HECW2: variants seen among roughly 807,000 people sequenced by gnomAD.
The protein encoded by HECW2 is HECT, C2 and WW domain containing E3 ubiquitin protein ligase 2.
In HECW2, 61 loss-of-function variants were observed where a neutral mutation model predicts 175.2. That is an observed-to-expected ratio of 0.35 (90% CI 0.28 to 0.43). The LOEUF is 0.43. Ranked by LOEUF, HECW2 falls within the 20% of genes least tolerant of loss-of-function variation. The pLI is 1.00. For missense variants in HECW2, 1,524 were observed against 2,000.5 expected, an observed-to-expected ratio of 0.76 and a Z score of 4.54; for synonymous variants, 671 against 731.0, an observed-to-expected ratio of 0.92 and a Z score of 1.32.
intron 1 of HECW2, among the ~76,000 whole-genome samples, chr2:196,492,866 A>AT (rs1342960367): frequency 1.3e-5 from 2 of 151,990 alleles, no homozygotes; most frequent in South Asian, 2.1e-4. Flanking sequence ...CAACAGACTC[A>AT]TTTTTTTTGA....
chr2:196,569,484 T>C (rs958434727), intron 1 of HECW2, among the ~76,000 whole-genome samples: 1 of 152,256 alleles, frequency 6.6e-6, no homozygotes, highest in African/African-American at 2.4e-5. Context: ...TACTTTTTTA[T>C]GCTTCTCTAT....
intron 1 of HECW2, among the ~76,000 whole-genome samples, chr2:196,476,174 T>G (rs1686605130): frequency 6.6e-6 from 1 of 151,112 alleles, no homozygotes; most frequent in South Asian, 2.1e-4. Context: ...CTGGGAGCAG[T>G]GGCTCATGCC....
intron 1 of HECW2, among the ~76,000 whole-genome samples, chr2:196,571,762 C>G (rs1249445449): frequency 6.6e-6 from 1 of 151,796 alleles, no homozygotes; most frequent in African/African-American, 2.4e-5. Flanking sequence ...TGCTTCCATA[C>G]AAAGCAAAAA....
At chr2:196,412,564 G>A (rs1355261981) in intron 2 of HECW2, among the ~76,000 whole-genome samples, 3 of 152,200 alleles carry the variant, frequency 2.0e-5, no homozygotes, top group Admixed American at 6.5e-5. Flanking sequence ...GACACATTCA[G>A]AACACCCTTT....
intron 28 of HECW2, among the ~76,000 whole-genome samples, chr2:196,211,803 C>A (rs903387241): frequency 6.6e-6 from 1 of 152,152 alleles, no homozygotes; most frequent in African/African-American, 2.4e-5. Flanking sequence ...GGCAGAAACT[C>A]CCATGCCCGA....
At chr2:196,294,788 G>A (rs757328008) in intron 13 of HECW2, among the ~76,000 whole-genome samples, 2 of 152,134 alleles carry the variant, frequency 1.3e-5, no homozygotes, top group Non-Finnish European at 2.9e-5. Flanking sequence ...CACAGCAAGT[G>A]GCAATGTTTG....
At chr2:196,498,088 C>T (rs888420357) in intron 1 of HECW2, among the ~76,000 whole-genome samples, 1 of 152,126 alleles carries the variant, frequency 6.6e-6, no homozygotes, top group Non-Finnish European at 1.5e-5. Flanking sequence ...TTTCAGTGAA[C>T]TTTCAAAGGG....
At chr2:196,278,278 CCT>C (rs1055541475) in intron 15 of HECW2, among the ~76,000 whole-genome samples, 2 of 148,736 alleles carry the variant, frequency 1.3e-5, no homozygotes, top group African/African-American at 4.9e-5. Flanking sequence ...CTCTCACCTT[CCT>C]CTGAGTCAAA....
intron 2 of HECW2, among the ~76,000 whole-genome samples, chr2:196,388,128 TA>T (rs944088180): frequency 1.4e-5 from 2 of 145,252 alleles, no homozygotes; most frequent in African/African-American, 2.5e-5. Context: ...TCATCTCTAC[TA>T]AAAAAAAAAA....
At chr2:196,202,791 T>C (rs1046313148) in intron 28 of HECW2, among the ~76,000 whole-genome samples, 3 of 152,212 alleles carry the variant, frequency 2.0e-5, no homozygotes, top group Non-Finnish European at 4.4e-5. Context: ...AGATAGAGTA[T>C]TCCTTATCCA....
intron 1 of HECW2, among the ~76,000 whole-genome samples, chr2:196,552,442 T>C (rs1689631310): frequency 6.6e-6 from 1 of 152,216 alleles, no homozygotes; most frequent in Non-Finnish European, 1.5e-5. Flanking sequence ...ACACAGCCTT[T>C]ATCTGTCTCA....
At chr2:196,421,037 T>C (rs1695394273) in intron 2 of HECW2, among the ~76,000 whole-genome samples, 1 of 151,998 alleles carries the variant, frequency 6.6e-6, no homozygotes, top group Non-Finnish European at 1.5e-5. Context: ...ATGTCAAAAA[T>C]TGAAAGGATA....
intron 10 of HECW2, among the ~76,000 whole-genome samples, chr2:196,313,962 G>A (rs1428754213): frequency 2.6e-5 from 4 of 152,148 alleles, no homozygotes; most frequent in East Asian, 3.8e-4. Context: ...TCAGGAGGCC[G>A]AGGCAGGAGC....
intron 28 of HECW2, among the ~76,000 whole-genome samples, chr2:196,201,721 G>A (rs1170714854): frequency 6.6e-6 from 1 of 151,918 alleles, no homozygotes. Flanking sequence ...CTCTTTTGAT[G>A]CTAGATTTTT....
chr2:196,207,683 G>A (rs1184175205), intron 28 of HECW2, among the ~76,000 whole-genome samples: 2 of 152,332 alleles, frequency 1.3e-5, no homozygotes, highest in African/African-American at 4.8e-5. Flanking sequence ...CTCTCCCTGT[G>A]TTTTAAGGTC....
At chr2:196,505,572 A>T (rs1390761567) in intron 1 of HECW2, among the ~76,000 whole-genome samples, 1 of 152,138 alleles carries the variant, frequency 6.6e-6, no homozygotes, top group Non-Finnish European at 1.5e-5. Context: ...CAAAGAAACT[A>T]GACTTGATTA....
At position 196,319,307 on chromosome 2, in the gene HECW2, T is replaced by C. The variant is rs1173609469; in HGVS notation, c.1583A>G (p.Asp528Gly). The C allele has an allele frequency of 6.2e-7, 1 of 1,613,486 alleles. No homozygotes were observed. Among genetic ancestry groups the C allele is most frequent in the African/African-American group, 1.3e-5 (1 of 75,020 alleles). ...ASTHEAASFEDKPENLPELAE... is the reference protein window; with the variant it reads ...ASTHEAASFEGKPENLPELAE... ...AAGCTCTGGAAGATTTTCTGGCTTA[T>C]CCTCAAAGGAAGCAGCTTCGTGTGT... Residue 528 changes from aspartate (D) to glycine (G), a missense_variant, in exon 9 of 29, where the codon GAT becomes GGT. Asp to Gly is a moderately conservative substitution (Grantham distance 94). Transcript: ENST00000644978.
chr2:196,214,062 C>A (rs942615384), intron 28 of HECW2, among the ~76,000 whole-genome samples: 1 of 152,176 alleles, frequency 6.6e-6, no homozygotes. Flanking sequence ...ACAATGGCAG[C>A]GATCACTGAC....
At chr2:196,562,333 TTA>T (rs1214005376) in intron 1 of HECW2, among the ~76,000 whole-genome samples, 1 of 152,214 alleles carries the variant, frequency 6.6e-6, no homozygotes, top group East Asian at 1.9e-4. Context: ...GTAAAACCAC[TTA>T]TACCAGAATT....
Sources: gnomAD v4.1 joint callset for allele counts (sites outside exome capture counted in the v4.1 genomes callset) on GRCh38, gnomAD v4.1.1 for gene constraint, MANE v1.5 for transcripts, NCBI Gene and HGNC (gene_info 2026-07-23, HGNC 2026-07-21) for gene names.